Variants in TEX9 observed in about 807,000 individuals in gnomAD.
TEX9 encodes the protein testis-expressed protein 9.
TEX9 carries 74 observed loss-of-function variants against 59.6 expected under a neutral mutation model. The observed-to-expected ratio is 1.24, with a 90% confidence interval of 1.03 to 1.51. TEX9 has a LOEUF of 1.51. Among genes scored for constraint, TEX9 ranks in the 40% most tolerant of loss-of-function variants. The pLI is 0.00. For missense variants in TEX9, 522 were observed against 447.8 expected (o/e 1.17, Z -1.49); for synonymous variants, 186 against 152.2 (o/e 1.22, Z -1.64).
At chr15:56,280,761 C>T (rs2141452051) in intron 1 of TEX9, among the ~76,000 whole-genome samples, 1 of 152,292 alleles carries the variant, frequency 6.6e-6, no homozygotes, top group Admixed American at 6.5e-5. Context: ...TCTGTCAGTC[C>T]TTGGCTAAAT....
chr15:56,391,337 A>T, exon 7 of TEX9: 1 of 1,605,770 alleles, frequency 6.2e-7, no homozygotes, highest in Non-Finnish European at 8.5e-7. Context: ...AATTAGCAAA[A>T]TTGAAGGGCA....
intron 7 of TEX9, 134 bp from the exon 8 acceptor site, chr15:56,394,031 G>T: frequency 1.5e-6 from 1 of 666,944 alleles, no homozygotes; most frequent in East Asian, 3.1e-5. Flanking sequence ...TACCTATAGT[G>T]CCCCCTAACA....
In TEX9 at chr15:56,292,007, C is replaced by T. The variant is rs916146913; in HGVS notation, c.-107+47729C>T. Reference sequence around the variant, plus strand: ...GTGACATGGCTTCAGGATGCCTCAACTGAGGCGCTGGCATAGAAATGACTT... The same window carrying T: ...GTGACATGGCTTCAGGATGCCTCAATTGAGGCGCTGGCATAGAAATGACTT... On this transcript the variant is annotated intron_variant, in intron 1 of 5. Coordinates refer to the TEX9 transcript ENST00000560827. 3.9e-5 allele frequency among the ~76,000 whole-genome samples: 6 copies of T among 152,208 alleles called. 1 individual carries two copies. Among genetic ancestry groups the T allele is most frequent in the African/African-American group, 1.4e-4 (6 of 41,456 alleles).
chr15:56,337,684 A>G (rs750228374), intron 1 of TEX9, among the ~76,000 whole-genome samples: 4 of 152,236 alleles, frequency 2.6e-5, no homozygotes, highest in African/African-American at 7.2e-5. Flanking sequence ...ACATTGTCTA[A>G]CACCCTTTTC....
intron 1 of TEX9, among the ~76,000 whole-genome samples, chr15:56,349,664 T>C (rs930904938): frequency 7.9e-5 from 12 of 152,152 alleles, no homozygotes; most frequent in Non-Finnish European, 1.8e-4. Context: ...CTCCAGTGTT[T>C]ACAGGTGGCT....
the TEX9 span, among the ~76,000 whole-genome samples, chr15:56,451,602 A>T: frequency 6.6e-6 from 1 of 152,134 alleles, no homozygotes; most frequent in African/African-American, 2.4e-5. Flanking sequence ...TGGTATTTTC[A>T]TTATTATTCA....
At chr15:56,362,187 G>T (rs1244088847), upstream of TEX9, among the ~76,000 whole-genome samples, 1 of 152,176 alleles carries the variant, frequency 6.6e-6, no homozygotes, top group African/African-American at 2.4e-5. Flanking sequence ...TGATGGTGCT[G>T]TCCAGAGCAA....
intron 1 of TEX9, among the ~76,000 whole-genome samples, chr15:56,343,568 T>C (rs921114436): frequency 6.6e-6 from 1 of 152,090 alleles, no homozygotes; most frequent in Non-Finnish European, 1.5e-5. Context: ...TTCACTATGA[T>C]CTTGTATTAA....
At chr15:56,443,923 C>T in intron 12 of TEX9, 1 of 1,188,934 alleles carries the variant, frequency 8.4e-7, no homozygotes, top group Non-Finnish European at 1.2e-6. Flanking sequence ...TCATTTTGTT[C>T]ATAATAATGT....
chr15:56,303,270 CA>C (rs2045402745), intron 1 of TEX9, among the ~76,000 whole-genome samples: 3 of 152,150 alleles, frequency 2.0e-5, no homozygotes, highest in Non-Finnish European at 4.4e-5. Context: ...TTCTCTTCAG[CA>C]TATGGATCAT....
intron 12 of TEX9, chr15:56,429,676 A>AGTTCTTT: frequency 6.6e-6 from 1 of 152,390 alleles, no homozygotes; most frequent in Non-Finnish European, 1.5e-5. Context: ...AACCCTTTGG[A>AGTTCTTT]ATTCTTCACT....
At chr15:56,429,660 T>TA (rs1465478437) in intron 12 of TEX9, 1 of 152,540 alleles carries the variant, frequency 6.6e-6, no homozygotes, top group African/African-American at 2.4e-5. Flanking sequence ...TTAAGCCATT[T>TA]AAGCAAACCC....
chr15:56,435,723 T>C (rs537167366), intron 12 of TEX9, among the ~76,000 whole-genome samples: 1 of 152,146 alleles, frequency 6.6e-6, no homozygotes, highest in Non-Finnish European at 1.5e-5. Flanking sequence ...ATGGTTTCAC[T>C]AGAAAATTCT....
intron 2 of TEX9, among the ~76,000 whole-genome samples, chr15:56,372,859 A>T (rs2047252558): frequency 6.6e-6 from 1 of 152,188 alleles, no homozygotes; most frequent in African/African-American, 2.4e-5. Context: ...TAGAATGAAA[A>T]ATCATAATTA....
chr15:56,388,064 T>A (rs1368521429), intron 4 of TEX9, among the ~76,000 whole-genome samples: 1 of 151,986 alleles, frequency 6.6e-6, no homozygotes, highest in Non-Finnish European at 1.5e-5. Flanking sequence ...GTTCACAATA[T>A]AATGAGGAAA....
At chr15:56,266,457 T>C (rs1316776051) in intron 1 of TEX9, among the ~76,000 whole-genome samples, 2 of 152,136 alleles carry the variant, frequency 1.3e-5, no homozygotes, top group Non-Finnish European at 2.9e-5. Flanking sequence ...GTATTTTTCC[T>C]AATGCTATCC....
At chr15:56,369,281 C>A (rs994583195) in intron 2 of TEX9, among the ~76,000 whole-genome samples, 41 of 152,076 alleles carry the variant, frequency 2.7e-4, no homozygotes, top group African/African-American at 9.9e-4. Context: ...GCTTCCACCT[C>A]CTGGGCTCAA....
chr15:56,387,584 C>T (rs895435896), intron 4 of TEX9, among the ~76,000 whole-genome samples: 2 of 151,890 alleles, frequency 1.3e-5, no homozygotes, highest in Non-Finnish European at 2.9e-5. Flanking sequence ...TGTATGTCTT[C>T]TCCAATGGTT....
chr15:56,329,306 A>C (rs1176594580), intron 1 of TEX9, among the ~76,000 whole-genome samples: 3 of 152,188 alleles, frequency 2.0e-5, no homozygotes, highest in Admixed American at 2.0e-4. Flanking sequence ...CTTCCTAAGA[A>C]GTATGGATAA....
Sources: allele counts gnomAD v4.1 joint callset (sites outside exome capture counted in the v4.1 genomes callset), GRCh38; gene constraint gnomAD v4.1.1; transcripts MANE v1.5; gene names NCBI Gene and HGNC (gene_info 2026-07-23, HGNC 2026-07-21).